Variants in CSMD1 observed in about 807,000 individuals in gnomAD.
The protein encoded by CSMD1 is CUB and sushi domain-containing protein 1.
A neutral mutation model predicts 417.5 loss-of-function variants in CSMD1; 213 were observed. That is an observed-to-expected ratio of 0.51 (90% CI 0.46 to 0.57). The LOEUF is 0.57. Among genes scored for constraint, CSMD1 ranks in the 20% least tolerant of loss-of-function variants. The pLI is 0.00. For synonymous variants in CSMD1, 2,862 were observed against 1,736.8 expected (o/e 1.65, Z -16.11); for missense variants, 6,923 against 4,529.7 (o/e 1.53, Z -15.17).
intron 3 of CSMD1, among the ~76,000 whole-genome samples, chr8:4,207,954 T>A (rs781609850): frequency 2.0e-5 from 3 of 152,138 alleles, no homozygotes; most frequent in Non-Finnish European, 4.4e-5. Flanking sequence ...AGAATTTATC[T>A]TTAGGCAATA....
At chr8:4,784,291 A>C (rs1157578391) in intron 1 of CSMD1, among the ~76,000 whole-genome samples, 1 of 152,238 alleles carries the variant, frequency 6.6e-6, no homozygotes, top group African/African-American at 2.4e-5. Context: ...TCTATAACTA[A>C]AGATTTGGCT....
At chr8:4,810,488 A>G (rs1241982855) in intron 1 of CSMD1, among the ~76,000 whole-genome samples, 7 of 152,060 alleles carry the variant, frequency 4.6e-5, no homozygotes, top group East Asian at 1.9e-4. Context: ...GTTTGATGTT[A>G]TTATTTGGCA....
At chr8:4,305,030 C>T (rs373353306) in intron 3 of CSMD1, among the ~76,000 whole-genome samples, 8 of 152,300 alleles carry the variant, frequency 5.3e-5, no homozygotes, top group South Asian at 4.1e-4. Flanking sequence ...CAGTTCCCCA[C>T]GTTAGAGTCC....
chr8:3,471,068 T>C (rs907388841), intron 11 of CSMD1, among the ~76,000 whole-genome samples: 4 of 152,176 alleles, frequency 2.6e-5, no homozygotes, highest in African/African-American at 4.8e-5. Flanking sequence ...TGTGAAATCA[T>C]GTTGAGTATT....
At chr8:4,041,166 G>T (rs533930426) in intron 3 of CSMD1, among the ~76,000 whole-genome samples, 4 of 151,420 alleles carry the variant, frequency 2.6e-5, no homozygotes, top group Non-Finnish European at 5.9e-5. Context: ...ACAGGCGCCC[G>T]CCACCACGCC....
At chr8:3,709,177 GA>G (rs968080774) in intron 6 of CSMD1, among the ~76,000 whole-genome samples, 1 of 144,508 alleles carries the variant, frequency 6.9e-6, no homozygotes, top group African/African-American at 2.6e-5. Context: ...GTCACTTACG[GA>G]AAAAAAATGG....
At chr8:3,343,786 TA>T (rs1807812362) in intron 22 of CSMD1, among the ~76,000 whole-genome samples, 1 of 152,202 alleles carries the variant, frequency 6.6e-6, no homozygotes, top group Non-Finnish European at 1.5e-5. Flanking sequence ...CCTTTTCTCA[TA>T]GTTCAGTTAT....
intron 2 of CSMD1, among the ~76,000 whole-genome samples, chr8:4,528,673 C>T (rs1407950213): frequency 6.6e-6 from 1 of 152,114 alleles, no homozygotes; most frequent in Non-Finnish European, 1.5e-5. Flanking sequence ...ATGGTGTACA[C>T]CCCACAAACT....
intron 11 of CSMD1, among the ~76,000 whole-genome samples, chr8:3,479,030 C>T (rs1270254049): frequency 6.6e-6 from 1 of 152,134 alleles, no homozygotes; most frequent in Non-Finnish European, 1.5e-5. Flanking sequence ...ACCCCATGCA[C>T]TCCAAGCCTG....
At chr8:3,154,869 C>T (rs906389887) in intron 39 of CSMD1, among the ~76,000 whole-genome samples, 2 of 152,234 alleles carry the variant, frequency 1.3e-5, no homozygotes, top group Non-Finnish European at 2.9e-5. Context: ...AATATTATCT[C>T]TCTATGGACT....
intron 3 of CSMD1, among the ~76,000 whole-genome samples, chr8:4,277,205 A>G (rs1339406757): frequency 4.4e-5 from 6 of 136,924 alleles, no homozygotes; most frequent in African/African-American, 1.5e-4. Flanking sequence ...TAACATATAT[A>G]TATATATATA....
intron 56 of CSMD1, 84 bp downstream of exon 56, chr8:2,974,367 C>A (rs1270566481): frequency 1.4e-5 from 18 of 1,267,318 alleles, no homozygotes; most frequent in Non-Finnish European, 1.9e-5. Flanking sequence ...TTTCAAATAA[C>A]TGTAAATCAT....
chr8:3,914,253 G>A (rs180773670), intron 5 of CSMD1, among the ~76,000 whole-genome samples: 74 of 152,264 alleles, frequency 4.9e-4, no homozygotes, highest in Non-Finnish European at 9.6e-4. Context: ...ATAAGAGCTA[G>A]TTAGAGAGGT....
At chr8:4,795,553 C>A (rs563369408) in intron 1 of CSMD1, among the ~76,000 whole-genome samples, 30 of 151,870 alleles carry the variant, frequency 2.0e-4, no homozygotes, top group Non-Finnish European at 7.4e-5. Context: ...TGAGCCACCG[C>A]ACCCGGCCAG....
chr8:3,667,484 G>T (rs1190018203), intron 7 of CSMD1, among the ~76,000 whole-genome samples: 1 of 152,106 alleles, frequency 6.6e-6, no homozygotes, highest in African/African-American at 2.4e-5. Flanking sequence ...AAACAATGCA[G>T]GGCCAGGGTG....
intron 50 of CSMD1, among the ~76,000 whole-genome samples, chr8:3,045,678 T>C (rs1811389347): frequency 1.3e-5 from 2 of 152,178 alleles, no homozygotes; most frequent in Non-Finnish European, 2.9e-5. Flanking sequence ...ATGCATCAGA[T>C]TTAAAAATCA....
chr8:3,114,545 G>T lies in CSMD1; in HGVS notation c.6430+3854C>A, dbSNP rs116268382. 4.6e-3 allele frequency among the ~76,000 whole-genome samples: 696 copies of T among 151,742 alleles called. 2 individuals carry two copies. The highest frequency in any genetic ancestry group is 0.016 in the African/African-American group (673 of 41,428). On this transcript the variant is annotated intron_variant, in intron 42 of 69. Transcript: ENST00000635120. ...TGTGTAGAGAACCAGAGTTATTCCT[G>T]CCATCATTTTTCTTCCTTCTGTTAC...
rs1286926016 is a variant in CSMD1 at position 3,110,257 on chromosome 8, T to G, written c.6509A>C (p.Lys2170Thr). 4 of 1,613,386 alleles carry G rather than the reference T, an allele frequency of 2.5e-6. No individual in the cohort carries two copies. The highest frequency in any genetic ancestry group is 3.4e-6 in the Non-Finnish European group (4 of 1,179,708). The change falls in exon 43 of 70, where the codon AAG becomes ACG. Residue 2170 changes from lysine to threonine, a missense_variant. Transcript: ENST00000635120. The stretch of plus-strand genomic sequence containing the variant: ...CACCGTGATGAGCCAAATGCAGTCC[T>G]TCAGGATCGGATACTCATCAGGAAA... ...PGFPDEYPILKDCIWLITVPP... is the reference protein window; with the variant it reads ...PGFPDEYPILTDCIWLITVPP...
chr8:4,695,672 G>C (rs553447677), intron 1 of CSMD1, among the ~76,000 whole-genome samples: 1 of 152,006 alleles, frequency 6.6e-6, no homozygotes, highest in East Asian at 1.9e-4. Flanking sequence ...TATAGACCTA[G>C]GTTGATACAT....
Sources: allele counts gnomAD v4.1 joint callset (sites outside exome capture counted in the v4.1 genomes callset), GRCh38; gene constraint gnomAD v4.1.1; transcripts MANE v1.5; gene names NCBI Gene and HGNC (gene_info 2026-07-23, HGNC 2026-07-21).